The following FKTN variants were observed in gnomAD, a reference collection of about 807,000 sequenced individuals.
The protein encoded by FKTN is ribitol-5-phosphate transferase FKTN.
Under a neutral mutation model 58.6 loss-of-function variants are expected in FKTN, and 47 were observed. That is an observed-to-expected ratio of 0.80 (90% CI 0.63 to 1.02). The LOEUF is 1.02. FKTN is among the 50% of genes least tolerant of loss of function. The probability of loss-of-function intolerance (pLI) is 0.00; values close to 1 mark genes in which losing one functional copy is unlikely to be tolerated. For missense variants in FKTN, 516 were observed against 537.3 expected (o/e 0.96, Z 0.39); for synonymous variants, 178 against 191.9 (o/e 0.93, Z 0.60).
intron 3 of FKTN, among the ~76,000 whole-genome samples, chr9:105,591,899 C>T (rs912437303): frequency 1.3e-5 from 2 of 152,232 alleles, no homozygotes; most frequent in Non-Finnish European, 2.9e-5. Flanking sequence ...CTGTGTGCAC[C>T]TGCTTACAGC....
rs1209478036 is a variant in FKTN, at chr9:105,636,311, A to G, written c.*1047A>G. 1 of 971,878 alleles carries G rather than the reference A, an allele frequency of 1.0e-6. No individual in the cohort carries two copies. Among genetic ancestry groups the G allele is most frequent in the Non-Finnish European group, 1.2e-6 (1 of 817,676 alleles). 60.2% of individuals were successfully genotyped at this position (971,878 alleles called of 1,614,324 possible). On this transcript the variant is annotated 3_prime_UTR_variant, in exon 11 of 11. Transcript: ENST00000357998. ...TAATTTATGGTCTATATACCAATTT[A>G]AATGGCATGTAAACCTGCCTGTTTC...
chr9:105,598,964 A>G (rs1827325638), intron 4 of FKTN, among the ~76,000 whole-genome samples: 1 of 152,044 alleles, frequency 6.6e-6, no homozygotes, highest in African/African-American at 2.4e-5. Flanking sequence ...AAATAGCTAA[A>G]TTGGACTATT....
intron 3 of FKTN, 102 bp from the exon 4 acceptor site, chr9:105,596,496 T>C (rs940698940): frequency 4.0e-6 from 3 of 757,302 alleles, no homozygotes; most frequent in South Asian, 2.9e-5. Context: ...TGCTTTTTAA[T>C]GATTATAAGC....
At chr9:105,570,716 C>G (rs1183459775) in intron 1 of FKTN, among the ~76,000 whole-genome samples, 1 of 151,956 alleles carries the variant, frequency 6.6e-6, no homozygotes, top group African/African-American at 2.4e-5. Flanking sequence ...CATCTGTGCC[C>G]ATTAAGGTAG....
At chr9:105,586,203 T>C (rs1286460227) in intron 3 of FKTN, among the ~76,000 whole-genome samples, 2 of 150,548 alleles carry the variant, frequency 1.3e-5, no homozygotes, top group Admixed American at 6.6e-5. Flanking sequence ...AATCCAGTTA[T>C]CATGTTAGCA....
rs1304883984 is a variant in FKTN, at chr9:105,598,122, T to C, written c.165+1465T>C. On this transcript the variant is annotated intron_variant, in intron 4 of 10. Coordinates refer to ENST00000357998, the MANE Select transcript of FKTN (RefSeq NM_001079802.2). ...GAGGTGGGAGAAAATAATGGATTTT[T>C]TTCAAAGTCTTTACTTCCACGGTAC... 6.4e-6 allele frequency: 3 copies of C among 469,106 alleles called. No homozygotes were observed. In the Admixed American group the frequency reaches 7.1e-5, roughly 11 times the overall value. 29.1% of individuals were successfully genotyped at this position (469,106 alleles called of 1,614,324 possible). A position where few individuals can be genotyped will look rare whatever the true frequency, so the allele number is the denominator to read the frequency against.
intron 3 of FKTN, among the ~76,000 whole-genome samples, chr9:105,588,160 T>A (rs1436843821): frequency 2.6e-5 from 4 of 152,232 alleles, no homozygotes; most frequent in African/African-American, 9.6e-5. Context: ...GATAGAATTT[T>A]TTCTTAAATC....
Position 105,639,634 on chromosome 9 carries a change from T to C in FKTN, c.*4370T>C, listed in dbSNP as rs1308423736. ...TACTCAAAAGATTGCATGACTGAAT[T>C]TGCTTAAGAAAAAAAAAATTGTATC... On this transcript the variant is annotated 3_prime_UTR_variant, in exon 11 of 11. Coordinates refer to ENST00000357998, the MANE Select transcript of FKTN (RefSeq NM_001079802.2). The C allele has an allele frequency of 2.1e-6, 2 of 961,892 alleles. No homozygotes were observed. Among genetic ancestry groups the C allele is most frequent in the Non-Finnish European group, 2.5e-6 (2 of 810,114 alleles). The allele number at this position is 961,892 out of a possible 1,614,324, so 59.6% of individuals were successfully genotyped here.
At position 105,607,849 on chromosome 9, in the gene FKTN, A is replaced by G; in HGVS notation, c.678A>G (p.Gly226=). The G allele has an allele frequency of 6.2e-7, 1 of 1,612,930 alleles. No individual in the cohort carries two copies. The highest frequency in any genetic ancestry group is 8.5e-7 in the Non-Finnish European group (1 of 1,179,204). The change falls in exon 7 of 11, where the codon GGA becomes GGG. Residue 226 remains glycine (G), a synonymous_variant. Coordinates refer to ENST00000357998, the MANE Select transcript of FKTN (RefSeq NM_001079802.2). ...RPELQQVTVD[G]LEVLIPKDPM... is the part of the protein sequence containing the mutation. ...AGTTACAGCAAGTTACTGTTGATGG[A>G]CTGGAAGTTCTCATTCCAAAGGATC...
At chr9:105,599,988 C>T (rs1827585337) in intron 4 of FKTN, among the ~76,000 whole-genome samples, 1 of 151,150 alleles carries the variant, frequency 6.6e-6, no homozygotes, top group East Asian at 1.9e-4. Context: ...AATTCAGTTT[C>T]TTTAATAGGT....
chr9:105,576,110 A>T (rs1023640150), intron 3 of FKTN, among the ~76,000 whole-genome samples: 2 of 148,026 alleles, frequency 1.4e-5, no homozygotes, highest in Admixed American at 6.7e-5. Context: ...GAGTTATTAG[A>T]CCTAATTTTG....
At chr9:105,565,746 A>G (rs2131784055) in intron 1 of FKTN, among the ~76,000 whole-genome samples, 1 of 152,362 alleles carries the variant, frequency 6.6e-6, no homozygotes, top group Admixed American at 6.5e-5. Context: ...TCAACGAGAC[A>G]GAAAGTTAAC....
chr9:105,582,618 A>T (rs1433207769), intron 3 of FKTN, among the ~76,000 whole-genome samples: 2 of 152,212 alleles, frequency 1.3e-5, no homozygotes, highest in African/African-American at 4.8e-5. Context: ...ATATAATTTT[A>T]AAAATAACAG....
At chr9:105,559,410 G>A (rs971690503) in intron 1 of FKTN, among the ~76,000 whole-genome samples, 129 of 152,172 alleles carry the variant, frequency 8.5e-4, no homozygotes, top group African/African-American at 3.0e-3. Flanking sequence ...GGCTGGACGC[G>A]GTGGCTCACG....
chr9:105,618,160 C>T, intron 9 of FKTN, 68 bp downstream of exon 9: 1 of 1,266,676 alleles, frequency 7.9e-7, no homozygotes, highest in Non-Finnish European at 1.2e-6. Flanking sequence ...CATTAAGCAA[C>T]TCAGATATGG....
intron 3 of FKTN, among the ~76,000 whole-genome samples, chr9:105,582,428 T>C (rs1321697847): frequency 1.3e-5 from 2 of 152,180 alleles, no homozygotes; most frequent in Non-Finnish European, 2.9e-5. Flanking sequence ...ACTCCTGGCC[T>C]CAGGCAGTTC....
In FKTN at chr9:105,639,195, ACTGAC is replaced by A. The variant is rs1834258521; in HGVS notation, c.*3933_*3937del. ...TTTAATGCATGGAAAAACTTCAGTT[ACTGAC>A]CAGTCAAGAGAATTTCTCAAGAAAA... On this transcript the variant is annotated 3_prime_UTR_variant, in exon 11 of 11. Transcript: ENST00000357998. 7 of 985,270 alleles carry A rather than the reference ACTGAC, an allele frequency of 7.1e-6. No homozygotes were observed. Among genetic ancestry groups the A allele is most frequent in the Non-Finnish European group, 8.4e-6 (7 of 829,770 alleles). 61.0% of individuals were successfully genotyped at this position (985,270 alleles called of 1,614,324 possible). A position where few individuals can be genotyped will look rare whatever the true frequency, so the allele number is the denominator to read the frequency against.
At chr9:105,621,044 C>A (rs1410660487) in intron 10 of FKTN, among the ~76,000 whole-genome samples, 1 of 152,092 alleles carries the variant, frequency 6.6e-6, no homozygotes, top group Non-Finnish European at 1.5e-5. Flanking sequence ...GATCCGAAAC[C>A]TGCAAACCTC....
At chr9:105,634,960 A>G (rs879620282) in intron 10 of FKTN, 91 bp from the exon 11 acceptor site, 27 of 980,282 alleles carry the variant, frequency 2.8e-5, no homozygotes, top group Non-Finnish European at 4.3e-5. Flanking sequence ...ATGGGAGAGC[A>G]CTGTCCTTCA....
Sources: allele counts gnomAD v4.1 joint callset (sites outside exome capture counted in the v4.1 genomes callset), GRCh38; gene constraint gnomAD v4.1.1; transcripts MANE v1.5; gene names NCBI Gene and HGNC (gene_info 2026-07-23, HGNC 2026-07-21).